The following FAM168A variants were observed in gnomAD, a reference collection of about 807,000 sequenced individuals.
FAM168A encodes protein FAM168A.
Under a neutral mutation model 28.5 loss-of-function variants are expected in FAM168A, and 3 were observed. That is an observed-to-expected ratio of 0.11 (90% CI 0.05 to 0.27). FAM168A has a LOEUF of 0.27. FAM168A is among the 10% of genes least tolerant of loss of function. FAM168A has a pLI of 1.00. For synonymous variants in FAM168A, 122 were observed against 124.2 expected, an observed-to-expected ratio of 0.98 and a Z score of 0.12; for missense variants, 222 against 311.5, an observed-to-expected ratio of 0.71 and a Z score of 2.16.
rs368850288 is a variant in FAM168A at position 73,521,470 on chromosome 11, A to AT, written c.-18-52979_-18-52978insA. Among the ~76,000 whole-genome samples, 14 of 152,126 alleles carry AT rather than the reference A, an allele frequency of 9.2e-5. No individual in the cohort carries two copies. The East Asian group carries it at 2.5e-3, about 27-fold the overall frequency. ...GGTGGAAGGAGATTAGAAAAAAAAAACAAAAAAAGAAGAAGAAAACTCTGC... is the reference window on the plus strand; with the variant it reads ...GGTGGAAGGAGATTAGAAAAAAAAAATCAAAAAAAGAAGAAGAAAACTCTGC... On this transcript the variant is annotated intron_variant, in intron 1 of 7. Coordinates refer to ENST00000356467, the MANE Select transcript of FAM168A (RefSeq NM_015159.3).
intron 1 of FAM168A, among the ~76,000 whole-genome samples, chr11:73,536,654 T>A (rs942449534): frequency 6.6e-6 from 1 of 152,036 alleles, no homozygotes; most frequent in Non-Finnish European, 1.5e-5. Flanking sequence ...GCCATTGCAC[T>A]CCAGCCTGGG....
At chr11:73,496,661 C>T (rs144361780) in intron 1 of FAM168A, among the ~76,000 whole-genome samples, 2 of 152,234 alleles carry the variant, frequency 1.3e-5, no homozygotes, top group South Asian at 2.1e-4. Context: ...CCCGCGTTCA[C>T]GCCATTCTCC....
At chr11:73,557,773 A>G (rs1038227205) in intron 1 of FAM168A, among the ~76,000 whole-genome samples, 1 of 152,238 alleles carries the variant, frequency 6.6e-6, no homozygotes, top group African/African-American at 2.4e-5. Flanking sequence ...AATTCACTAT[A>G]AAACTATGGT....
At chr11:73,485,795 C>T (rs1318251555) in intron 1 of FAM168A, among the ~76,000 whole-genome samples, 1 of 152,082 alleles carries the variant, frequency 6.6e-6, no homozygotes, top group Non-Finnish European at 1.5e-5. Flanking sequence ...GGAGTCAAAC[C>T]AGGCCCAATG....
intron 1 of FAM168A, among the ~76,000 whole-genome samples, chr11:73,507,826 T>C (rs761652246): frequency 5.0e-4 from 76 of 152,120 alleles, no homozygotes; most frequent in Admixed American, 2.8e-3. Flanking sequence ...AACCAGCATA[T>C]ATGAAGGGCC....
chr11:73,429,782 C>T (rs1453205528), intron 3 of FAM168A, among the ~76,000 whole-genome samples: 1 of 152,184 alleles, frequency 6.6e-6, no homozygotes, highest in Non-Finnish European at 1.5e-5. Flanking sequence ...GTTTATATGC[C>T]AGGCTCCCAA....
At chr11:73,448,556 C>T (rs1352579831) in intron 2 of FAM168A, among the ~76,000 whole-genome samples, 5 of 152,220 alleles carry the variant, frequency 3.3e-5, no homozygotes, top group African/African-American at 1.2e-4. Context: ...CAAATGCTTT[C>T]ACTACTGAGT....
At chr11:73,518,215 G>C (rs1184491922) in intron 1 of FAM168A, among the ~76,000 whole-genome samples, 1 of 152,054 alleles carries the variant, frequency 6.6e-6, no homozygotes, top group East Asian at 1.9e-4. Flanking sequence ...AATCTCCCAG[G>C]GAAGATATGC....
At chr11:73,440,082 C>T (rs12290126) in intron 2 of FAM168A, among the ~76,000 whole-genome samples, 4,495 of 151,898 alleles carry the variant, frequency 0.03, 221 homozygotes, top group African/African-American at 0.1. Flanking sequence ...GACGGGGTTT[C>T]GCCATGTTGG....
chr11:73,505,817 G>A (rs148849502), intron 1 of FAM168A, among the ~76,000 whole-genome samples: 1 of 152,272 alleles, frequency 6.6e-6, no homozygotes, highest in African/African-American at 2.4e-5. Context: ...GCTGATAAAT[G>A]ACTGACCTGG....
At chr11:73,541,420 T>C (rs1943655660) in intron 1 of FAM168A, among the ~76,000 whole-genome samples, 1 of 151,408 alleles carries the variant, frequency 6.6e-6, no homozygotes, top group African/African-American at 2.4e-5. Flanking sequence ...TCATCCAGGC[T>C]GGAGTGCAGT....
chr11:73,554,762 G>T (rs1196973942), intron 1 of FAM168A, among the ~76,000 whole-genome samples: 2 of 152,224 alleles, frequency 1.3e-5, no homozygotes, highest in African/African-American at 4.8e-5. Flanking sequence ...GAAATACAAT[G>T]GGAGAGCAAT....
At chr11:73,495,248 G>T (rs1467047061) in intron 1 of FAM168A, among the ~76,000 whole-genome samples, 2 of 152,122 alleles carry the variant, frequency 1.3e-5, no homozygotes, top group Non-Finnish European at 2.9e-5. Context: ...AGAATGGCGT[G>T]AACCCAGGAG....
At chr11:73,462,822 C>T (rs1461506080) in intron 2 of FAM168A, among the ~76,000 whole-genome samples, 3 of 150,456 alleles carry the variant, frequency 2.0e-5, no homozygotes, top group Non-Finnish European at 4.4e-5. Context: ...CAAGATCGCA[C>T]CACTGCAATC....
chr11:73,474,439 G>A (rs1867860414), intron 1 of FAM168A, among the ~76,000 whole-genome samples: 2 of 152,048 alleles, frequency 1.3e-5, no homozygotes, highest in Non-Finnish European at 2.9e-5. Context: ...CTGGGCTCAA[G>A]TGATCCTCCT....
chr11:73,442,685 T>C (rs1867217874), intron 2 of FAM168A, among the ~76,000 whole-genome samples: 1 of 151,724 alleles, frequency 6.6e-6, no homozygotes. Flanking sequence ...GTACTGAGAG[T>C]TGTTTTATGG....
intron 2 of FAM168A, among the ~76,000 whole-genome samples, chr11:73,442,192 C>G (rs1451559679): frequency 6.7e-6 from 1 of 148,606 alleles, no homozygotes; most frequent in Non-Finnish European, 1.5e-5. Context: ...ATGGCACAAT[C>G]TCGGCTCACT....
chr11:73,457,224 A>ATTT (rs113172303), intron 2 of FAM168A, among the ~76,000 whole-genome samples: 1 of 147,224 alleles, frequency 6.8e-6, no homozygotes. Context: ...CCCTTCTTTA[A>ATTT]TTTTTTTTTT....
At chr11:73,510,633 G>A (rs1278952571) in intron 1 of FAM168A, 7 of 282,500 alleles carry the variant, frequency 2.5e-5, no homozygotes, top group Middle Eastern at 1.0e-3. Context: ...GTACTAGCCC[G>A]TTCATGAGGT....
Sources: gnomAD v4.1 joint callset for allele counts (sites outside exome capture counted in the v4.1 genomes callset) on GRCh38, gnomAD v4.1.1 for gene constraint, MANE v1.5 for transcripts, NCBI Gene and HGNC (gene_info 2026-07-23, HGNC 2026-07-21) for gene names.